Variants in HEATR4 observed in about 807,000 individuals in gnomAD.
HEATR4 encodes HEAT repeat containing 4, also known as HEAT repeat-containing protein 4.
A neutral mutation model predicts 108.8 loss-of-function variants in HEATR4; 95 were observed. That is an observed-to-expected ratio of 0.87 (90% CI 0.74 to 1.04). HEATR4 has a LOEUF of 1.04. Ranked by LOEUF, HEATR4 falls within the 50% of genes least tolerant of loss-of-function variation. HEATR4 has a pLI of 0.00. For synonymous variants in HEATR4, 443 were observed against 459.4 expected (o/e 0.96, Z 0.46); for missense variants, 1,152 against 1,253.8 (o/e 0.92, Z 1.23).
intron 5 of HEATR4, chr14:73,517,471 G>A (rs910379170): frequency 6.6e-6 from 1 of 152,270 alleles, no homozygotes. Flanking sequence ...GAGCCCAGAA[G>A]TTTGAGACCA....
the HEATR4 span, chr14:73,567,775 C>T: frequency 6.6e-6 from 1 of 152,174 alleles, no homozygotes; most frequent in East Asian, 1.9e-4. Flanking sequence ...AGACCATGAA[C>T]CCACTGAGAG....
chr14:73,493,449 G>C, intron 16 of HEATR4: 1 of 265,816 alleles, frequency 3.8e-6, no homozygotes, highest in Non-Finnish European at 7.6e-6. Flanking sequence ...ATGCAGGAGC[G>C]GGAGGAAGAT....
At chr14:73,529,231 T>C (rs1888547835) in intron 2 of HEATR4, 1 of 151,932 alleles carries the variant, frequency 6.6e-6, no homozygotes, top group African/African-American at 2.4e-5. Flanking sequence ...GGTACATGTC[T>C]GTAATCCCAG....
At chr14:73,594,374 T>C in the HEATR4 span, among the ~76,000 whole-genome samples, 1 of 152,214 alleles carries the variant, frequency 6.6e-6, no homozygotes, top group Non-Finnish European at 1.5e-5. Context: ...ATTGGATGCA[T>C]TGCCACATGA....
Position 73,492,099 on chromosome 14 carries a change from G to T in HEATR4, c.2844+967C>A, listed in dbSNP as rs753234159. Reference sequence around the variant, plus strand: ...GGTAGGAAACTCTGGCGTGTATACCGACCCCGAGTCCCAACCGAGGAACTG... The same window carrying T: ...GGTAGGAAACTCTGGCGTGTATACCTACCCCGAGTCCCAACCGAGGAACTG... On this transcript the variant is annotated intron_variant, in intron 17 of 17. Transcript: ENST00000553558. This position sits in a 1 kb window ranked among gnomAD's most constrained non-coding sequence, Gnocchi z 4.9. The T allele has an allele frequency of 3.7e-6, 6 of 1,613,880 alleles. No individual in the cohort carries two copies. The highest frequency in any genetic ancestry group is 5.1e-6 in the Non-Finnish European group (6 of 1,179,858).
the HEATR4 span, among the ~76,000 whole-genome samples, chr14:73,607,223 T>C: frequency 1.3e-5 from 2 of 152,162 alleles, no homozygotes; most frequent in Non-Finnish European, 2.9e-5. Context: ...CGCAGGAGAA[T>C]TGCTTGAACC....
chr14:73,500,827 T>G, intron 11 of HEATR4, 97 bp from the exon 12 acceptor site: 1 of 1,148,234 alleles, frequency 8.7e-7, no homozygotes, highest in Non-Finnish European at 1.2e-6. Flanking sequence ...CCGGGTTCTG[T>G]AGGCTGTCAA....
intron 3 of HEATR4, among the ~76,000 whole-genome samples, chr14:73,521,360 C>T (rs1566839974): frequency 6.6e-6 from 1 of 152,122 alleles, no homozygotes; most frequent in African/African-American, 2.4e-5. Flanking sequence ...GCGGCATGGC[C>T]TTGGGGAAGG....
upstream of HEATR4, among the ~76,000 whole-genome samples, chr14:73,561,340 C>A (rs117886097): frequency 1.3e-5 from 2 of 149,060 alleles, no homozygotes; most frequent in South Asian, 4.2e-4. Context: ...TGGTCCAGCC[C>A]GGGCGACAGA....
intron 10 of HEATR4, among the ~76,000 whole-genome samples, chr14:73,506,265 A>T (rs1886818223): frequency 6.6e-6 from 1 of 152,150 alleles, no homozygotes; most frequent in African/African-American, 2.4e-5. Context: ...TTTATGGACC[A>T]CCAGTGCACT....
At chr14:73,587,955 G>T in the HEATR4 span, among the ~76,000 whole-genome samples, 1 of 151,400 alleles carries the variant, frequency 6.6e-6, no homozygotes, top group South Asian at 2.1e-4. Flanking sequence ...TCCTTAATTT[G>T]CCCCATTAAT....
chr14:73,565,757 C>A, the HEATR4 span, among the ~76,000 whole-genome samples: 1 of 151,864 alleles, frequency 6.6e-6, no homozygotes, highest in Admixed American at 6.6e-5. Flanking sequence ...AAGCTACAGA[C>A]CTTGGTGGTG....
At chr14:73,597,595 T>C in the HEATR4 span, among the ~76,000 whole-genome samples, 3 of 134,460 alleles carry the variant, frequency 2.2e-5, no homozygotes, top group African/African-American at 5.2e-5. Context: ...TCTTTTCTTT[T>C]TTTTTTTTTT....
At chr14:73,569,336 G>GC in the HEATR4 span, 1 of 1,613,956 alleles carries the variant, frequency 6.2e-7, no homozygotes, top group Admixed American at 1.7e-5. Context: ...GAGCGTCCCG[G>GC]CTGTACCAAT....
intron 1 of HEATR4, chr14:73,537,414 C>T: frequency 1.6e-6 from 2 of 1,234,854 alleles, no homozygotes; most frequent in South Asian, 1.4e-5. Context: ...ATTTGGGTTC[C>T]TGCTCGGATG....
At chr14:73,521,680 T>C (rs1887985198) in intron 3 of HEATR4, among the ~76,000 whole-genome samples, 1 of 152,208 alleles carries the variant, frequency 6.6e-6, no homozygotes, top group African/African-American at 2.4e-5. Context: ...AAGAAACATG[T>C]AGTCATCTTC....
chr14:73,516,776 G>A (rs1485108283), intron 5 of HEATR4, among the ~76,000 whole-genome samples: 4 of 152,184 alleles, frequency 2.6e-5, no homozygotes, highest in African/African-American at 7.2e-5. Flanking sequence ...TTAGAGTCAC[G>A]TAGCATGAAC....
At chr14:73,625,660 CT>C in the HEATR4 span, among the ~76,000 whole-genome samples, 1 of 152,174 alleles carries the variant, frequency 6.6e-6, no homozygotes, top group Non-Finnish European at 1.5e-5. Flanking sequence ...CACATCTAGC[CT>C]TTTTCATTAT....
In HEATR4 at chr14:73,544,064, G is replaced by A. The variant is rs1293944013; in HGVS notation, c.-151-13820C>T. Among the ~76,000 whole-genome samples, 23 of 114,620 alleles carry A rather than the reference G, an allele frequency of 2.0e-4. 6 individuals carry two copies. Among genetic ancestry groups the A allele is most frequent in the African/African-American group, 6.5e-4 (23 of 35,496 alleles). 75.2% of individuals were successfully genotyped at this position (114,620 alleles called of 152,430 possible). ...TCCTAGCACTTTGGGAGGCCAAGGT[G>A]CGCGGATTACTTGAGGTCAGGAGTT... On this transcript the variant is annotated intron_variant, in intron 1 of 17. Coordinates refer to ENST00000553558, the MANE Select transcript of HEATR4 (RefSeq NM_001220484.1).
Sources: allele counts gnomAD v4.1 joint callset (sites outside exome capture counted in the v4.1 genomes callset), GRCh38; gene constraint gnomAD v4.1.1; non-coding constraint Gnocchi (gnomAD v3.1); transcripts MANE v1.5; gene names NCBI Gene and HGNC (gene_info 2026-07-23, HGNC 2026-07-21).